Variants in CDH13 observed in about 807,000 individuals in gnomAD.
The protein encoded by CDH13 is cadherin 13.
Under a neutral mutation model 63.8 loss-of-function variants are expected in CDH13, and 24 were observed. The observed-to-expected ratio is 0.38, with a 90% CI of 0.27 to 0.53. The LOEUF (loss-of-function observed/expected upper bound fraction) is 0.53. CDH13 is among the 20% of genes least tolerant of loss of function. The probability of loss-of-function intolerance (pLI) is 0.85; values close to 1 mark genes in which losing one functional copy is unlikely to be tolerated. For missense variants in CDH13, 1,049 were observed against 903.1 expected, an observed-to-expected ratio of 1.16 and a Z score of -2.07; for synonymous variants, 503 against 355.3, an observed-to-expected ratio of 1.42 and a Z score of -4.67.
At chr16:83,063,454 C>T (rs936204814) in intron 3 of CDH13, among the ~76,000 whole-genome samples, 1 of 152,112 alleles carries the variant, frequency 6.6e-6, no homozygotes, top group South Asian at 2.1e-4. Flanking sequence ...AAGGAATGTG[C>T]AGCCATTTTC....
chr16:82,943,766 A>G (rs370019242), intron 2 of CDH13, among the ~76,000 whole-genome samples: 2 of 152,356 alleles, frequency 1.3e-5, no homozygotes, highest in East Asian at 1.9e-4. Flanking sequence ...AATTACACAG[A>G]TGTCTCTCAA....
chr16:83,408,060 C>T (rs1475996927), intron 6 of CDH13, among the ~76,000 whole-genome samples: 3 of 152,110 alleles, frequency 2.0e-5, no homozygotes, highest in African/African-American at 7.2e-5. Context: ...AGCAGTGGCA[C>T]CAGAAGATTT....
intron 3 of CDH13, among the ~76,000 whole-genome samples, chr16:83,040,656 C>G (rs190299304): frequency 6.6e-6 from 1 of 152,256 alleles, no homozygotes; most frequent in Non-Finnish European, 1.5e-5. Context: ...TCTGCCTCTC[C>G]CAGTCTACTG....
At chr16:83,500,042 A>G (rs908666758) in intron 7 of CDH13, among the ~76,000 whole-genome samples, 4 of 151,916 alleles carry the variant, frequency 2.6e-5, no homozygotes, top group Non-Finnish European at 5.9e-5. Flanking sequence ...ACTTCAGGCG[A>G]TCCGCCCACC....
intron 4 of CDH13, among the ~76,000 whole-genome samples, chr16:83,140,369 C>T (rs1159980021): frequency 2.6e-5 from 4 of 152,370 alleles, no homozygotes; most frequent in East Asian, 3.9e-4. Flanking sequence ...CTATGGCCAA[C>T]ACTGAGTTTC....
chr16:83,313,643 TAA>T (rs59109363), intron 5 of CDH13, among the ~76,000 whole-genome samples: 142 of 89,898 alleles, frequency 1.6e-3, no homozygotes, highest in South Asian at 9.9e-3. Flanking sequence ...CTTACCATTG[TAA>T]AAAAAAAAAA....
intron 2 of CDH13, among the ~76,000 whole-genome samples, chr16:83,014,070 G>C (rs1262415906): frequency 6.6e-6 from 1 of 151,314 alleles, no homozygotes; most frequent in East Asian, 1.9e-4. Flanking sequence ...AGTCTGATAA[G>C]GAAAAAAGCA....
intron 7 of CDH13, among the ~76,000 whole-genome samples, chr16:83,561,559 C>T (rs2075709323): frequency 2.0e-5 from 3 of 152,022 alleles, no homozygotes; most frequent in Non-Finnish European, 4.4e-5. Flanking sequence ...TACCAGCTAA[C>T]ATTTATTGAG....
intron 3 of CDH13, among the ~76,000 whole-genome samples, chr16:83,037,633 A>G (rs1024096706): frequency 3.3e-5 from 5 of 152,182 alleles, no homozygotes; most frequent in Non-Finnish European, 5.9e-5. Flanking sequence ...GTTGATTTAT[A>G]TGCTCCTAGG....
chr16:82,843,389 G>T (rs1161198466), intron 1 of CDH13, among the ~76,000 whole-genome samples: 1 of 152,098 alleles, frequency 6.6e-6, no homozygotes, highest in Non-Finnish European at 1.5e-5. Flanking sequence ...GAACATTTGG[G>T]GAAACATCTT....
At chr16:83,461,792 G>A (rs1039481158) in intron 6 of CDH13, among the ~76,000 whole-genome samples, 4 of 152,186 alleles carry the variant, frequency 2.6e-5, no homozygotes, top group South Asian at 2.1e-4. Flanking sequence ...GTAGCTCATC[G>A]GAGGGGAATG....
intron 5 of CDH13, among the ~76,000 whole-genome samples, chr16:83,247,987 G>C (rs1198356094): frequency 2.1e-4 from 32 of 152,274 alleles, no homozygotes; most frequent in Non-Finnish European, 2.9e-5. Context: ...GAAGCCCCAG[G>C]CTGTTGAGTG....
chr16:83,349,981 A>G (rs2090917551), intron 6 of CDH13, among the ~76,000 whole-genome samples: 2 of 152,184 alleles, frequency 1.3e-5, no homozygotes, highest in African/African-American at 4.8e-5. Context: ...AAATGACATT[A>G]AACACATACG....
intron 8 of CDH13, among the ~76,000 whole-genome samples, chr16:83,624,287 C>T (rs909926710): frequency 4.6e-5 from 7 of 152,034 alleles, no homozygotes; most frequent in African/African-American, 1.7e-4. Flanking sequence ...CTCTCTGGGT[C>T]ACAGTACCCC....
chr16:83,547,440 ATCT>A (rs2075406367), intron 7 of CDH13, among the ~76,000 whole-genome samples: 1 of 151,790 alleles, frequency 6.6e-6, no homozygotes. Flanking sequence ...TTTTTTTCTG[ATCT>A]TCTTCTCCCA....
intron 7 of CDH13, among the ~76,000 whole-genome samples, chr16:83,581,657 C>G (rs897685422): frequency 6.6e-6 from 1 of 152,060 alleles, no homozygotes; most frequent in African/African-American, 2.4e-5. Context: ...GTCTCTACAA[C>G]AAAATGCAAA....
intron 6 of CDH13, among the ~76,000 whole-genome samples, chr16:83,404,190 G>A (rs947115908): frequency 2.0e-5 from 3 of 152,116 alleles, no homozygotes; most frequent in African/African-American, 7.2e-5. Context: ...ATCCTTTGTT[G>A]GGGGAACTGT....
In CDH13 at chr16:83,779,955, C is replaced by G; in HGVS notation, c.1682-13C>G. On this transcript the variant is annotated splice_polypyrimidine_tract_variant and intron_variant, in intron 11 of 13. Coordinates refer to ENST00000567109, the MANE Select transcript of CDH13 (RefSeq NM_001257.5). Reference sequence around the variant, plus strand: ...TACCAGTTGCATACCAACATCTTCCCTTTTTCCCACAGGCAACCCTCCCGC... The same window carrying G: ...TACCAGTTGCATACCAACATCTTCCGTTTTTCCCACAGGCAACCCTCCCGC... 1 of 1,596,932 alleles carries G rather than the reference C, an allele frequency of 6.3e-7. No homozygotes were observed. The highest frequency in any genetic ancestry group is 8.6e-7 in the Non-Finnish European group (1 of 1,166,220).
chr16:83,467,549 T>G lies in CDH13; in HGVS notation c.782-18928T>G, dbSNP rs151043577. 4.7e-4 allele frequency among the ~76,000 whole-genome samples: 71 copies of G among 152,336 alleles called. 1 individual carries two copies. The East Asian group carries it at 0.013, about 29-fold the overall frequency. ...TTTTAGCTGACCCCAAGAACAGAAC[T>G]GGCAACCGCTTCGTGCAGAGGAGTC... On this transcript the variant is annotated intron_variant, in intron 6 of 13. Transcript: ENST00000567109.
Sources: gnomAD v4.1 joint callset for allele counts (sites outside exome capture counted in the v4.1 genomes callset) on GRCh38, gnomAD v4.1.1 for gene constraint, MANE v1.5 for transcripts, NCBI Gene and HGNC (gene_info 2026-07-23, HGNC 2026-07-21) for gene names.